The following LRP6 variants were observed in gnomAD, a reference collection of about 807,000 sequenced individuals.
The protein encoded by LRP6 is low-density lipoprotein receptor-related protein 6.
Under a neutral mutation model 184.1 loss-of-function variants are expected in LRP6, and 43 were observed. The observed-to-expected ratio is 0.23, with a 90% confidence interval of 0.18 to 0.30. The LOEUF is 0.30. LRP6 is among the 10% of genes least tolerant of loss of function. LRP6 has a pLI of 1.00. For missense variants in LRP6, 1,571 were observed against 2,005.3 expected (o/e 0.78, Z 4.14); for synonymous variants, 719 against 684.9 (o/e 1.05, Z -0.78).
chr12:12,183,968 A>G lies in LRP6; in HGVS notation c.976+12T>C, dbSNP rs751210383. ...GTTATAAAATTTTTCATTTTGGATA[A>G]TATCTTCTTACCATCTTTGCAGGTT... On this transcript the variant is annotated intron_variant, in intron 5 of 22. Coordinates refer to ENST00000261349, the MANE Select transcript of LRP6 (RefSeq NM_002336.3). 6.2e-7 allele frequency: 1 copy of G among 1,611,924 alleles called. No homozygotes were observed. Among genetic ancestry groups the G allele is most frequent in the South Asian group, 1.1e-5 (1 of 90,992 alleles).
intron 7 of LRP6, among the ~76,000 whole-genome samples, chr12:12,171,988 T>C (rs1474381059): frequency 6.6e-6 from 1 of 152,246 alleles, no homozygotes; most frequent in Non-Finnish European, 1.5e-5. Flanking sequence ...TGGCAAAAGC[T>C]TGTTTGTATA....
chr12:12,255,462 G>A (rs1171934035), intron 1 of LRP6, among the ~76,000 whole-genome samples: 1 of 148,740 alleles, frequency 6.7e-6, no homozygotes, highest in Non-Finnish European at 1.5e-5. Context: ...TTTGAAGTGT[G>A]TTGCAGATCC....
chr12:12,262,000 T>C (rs1456558715), intron 1 of LRP6, among the ~76,000 whole-genome samples: 1 of 152,100 alleles, frequency 6.6e-6, no homozygotes, highest in Non-Finnish European at 1.5e-5. Context: ...CCCAACACTT[T>C]GGGAGGCAGA....
At chr12:12,192,063 A>G (rs1198092845) in intron 3 of LRP6, among the ~76,000 whole-genome samples, 1 of 152,018 alleles carries the variant, frequency 6.6e-6, no homozygotes, top group Admixed American at 6.6e-5. Context: ...AACCTTTTTA[A>G]CAGACATAAG....
chr12:12,205,325 CAAACAAAAAAAAAAAAAA>C lies in LRP6; in HGVS notation c.450-1943_450-1926del, dbSNP rs1442205916. 2.3e-4 allele frequency among the ~76,000 whole-genome samples: 6 copies of C among 26,244 alleles called. 1 individual carries two copies. The highest frequency in any genetic ancestry group is 3.8e-4 in the African/African-American group (4 of 10,480). 17.2% of individuals were successfully genotyped at this position (26,244 alleles called of 152,430 possible). A position where few individuals can be genotyped will look rare whatever the true frequency, so the allele number is the denominator to read the frequency against. Reference sequence around the variant, plus strand: ...CAACAGAATAAGACTCTGTCTCAAACAAACAAAAAAAAAAAAAAAAAAAAAAAAAAAGAGGTAATGAGG... The same window carrying C: ...CAACAGAATAAGACTCTGTCTCAAACAAAAAAAAAAAAAGAGGTAATGAGG... On this transcript the variant is annotated intron_variant, in intron 2 of 22. Coordinates refer to ENST00000261349, the MANE Select transcript of LRP6 (RefSeq NM_002336.3).
chr12:12,133,853 G>GTT lies in LRP6; in HGVS notation c.3733+1321_3733+1322insAA, dbSNP rs1565540058. On this transcript the variant is annotated intron_variant, in intron 17 of 22. Coordinates refer to ENST00000261349, the MANE Select transcript of LRP6 (RefSeq NM_002336.3). ...AAACACATGCTATTTTTTGGGGGGG[G>GTT]GGGGGGGGGAGGGTAAAGTAACCAT... Among the ~76,000 whole-genome samples, 43 of 104,316 alleles carry GTT rather than the reference G, an allele frequency of 4.1e-4. 5 individuals are homozygous for GTT. The highest frequency in any genetic ancestry group is 4.3e-4 in the Non-Finnish European group (20 of 46,192). 68.4% of individuals were successfully genotyped at this position (104,316 alleles called of 152,430 possible).
chr12:12,244,471 A>G lies in LRP6; in HGVS notation c.240T>C (p.Phe80=). The change falls in exon 2 of 23, where the codon TTT becomes TTC. Residue 80 remains phenylalanine, a synonymous_variant. Coordinates refer to ENST00000261349, the MANE Select transcript of LRP6 (RefSeq NM_002336.3). ...CATTCTGCACACTCTCAGTTTTGTT[A>G]AATTCTGTTCGTTTAATGGCTTCTT... ...VSEEAIKRTE[F]NKTESVQNVV... 1 of 1,614,228 alleles carries G rather than the reference A, an allele frequency of 6.2e-7. No homozygotes were observed. Among genetic ancestry groups the G allele is most frequent in the Non-Finnish European group, 8.5e-7 (1 of 1,180,034 alleles).
chr12:12,148,910 C>T, intron 14 of LRP6, 32 bp downstream of exon 14: 1 of 1,519,730 alleles, frequency 6.6e-7, no homozygotes, highest in Non-Finnish European at 9.1e-7. Flanking sequence ...TCTCAGAAGC[C>T]ACAGTATCTG....
At chr12:12,221,747 G>A (rs1018895966) in intron 2 of LRP6, among the ~76,000 whole-genome samples, 4 of 152,170 alleles carry the variant, frequency 2.6e-5, no homozygotes, top group Non-Finnish European at 5.9e-5. Context: ...CACAGCTGGT[G>A]TTAATGTATT....
At chr12:12,174,919 T>C (rs533710423) in intron 7 of LRP6, among the ~76,000 whole-genome samples, 1 of 152,366 alleles carries the variant, frequency 6.6e-6, no homozygotes, top group African/African-American at 2.4e-5. Flanking sequence ...AAACTAGCTA[T>C]GGACATTGTA....
intron 2 of LRP6, among the ~76,000 whole-genome samples, chr12:12,215,448 G>C (rs925623652): frequency 1.3e-5 from 2 of 151,716 alleles, no homozygotes; most frequent in African/African-American, 2.4e-5. Flanking sequence ...ATTTTGAGAC[G>C]GAGTTTCACT....
At chr12:12,203,593 C>T (rs1298217664) in intron 2 of LRP6, among the ~76,000 whole-genome samples, 193 bp from the exon 3 acceptor site, 2 of 152,118 alleles carry the variant, frequency 1.3e-5, no homozygotes, top group Non-Finnish European at 2.9e-5. Context: ...GGTAAAAACC[C>T]ATCTCCACTA....
intron 2 of LRP6, among the ~76,000 whole-genome samples, chr12:12,207,589 T>C (rs1331983436): frequency 1.3e-5 from 2 of 152,100 alleles, no homozygotes; most frequent in Non-Finnish European, 2.9e-5. Context: ...ATTATCTAAC[T>C]GACTCTGGTG....
chr12:12,148,386 GAAGT>G (rs1950038787), intron 14 of LRP6, among the ~76,000 whole-genome samples: 1 of 151,826 alleles, frequency 6.6e-6, no homozygotes, highest in Non-Finnish European at 1.5e-5. Flanking sequence ...CCTCTCTTTT[GAAGT>G]AAGCTACTTT....
intron 15 of LRP6, 34 bp from the exon 16 acceptor site, chr12:12,138,568 C>G (rs538136558): frequency 1.3e-6 from 2 of 1,554,384 alleles, no homozygotes; most frequent in African/African-American, 2.7e-5. Context: ...AGAAATGACT[C>G]ATGTGGGTCA....
intron 3 of LRP6, among the ~76,000 whole-genome samples, chr12:12,196,686 T>C (rs556092271): frequency 2.6e-5 from 4 of 152,280 alleles, no homozygotes; most frequent in African/African-American, 9.6e-5. Context: ...CATTTATATG[T>C]CCAGATCTGC....
At chr12:12,140,817 T>C (rs202208498) in intron 15 of LRP6, among the ~76,000 whole-genome samples, 1 of 152,228 alleles carries the variant, frequency 6.6e-6, no homozygotes, top group East Asian at 1.9e-4. Flanking sequence ...GTGGCCAGGC[T>C]GGCCTTGAAC....
At chr12:12,187,853 T>G (rs1315073806) in intron 3 of LRP6, among the ~76,000 whole-genome samples, 1 of 152,142 alleles carries the variant, frequency 6.6e-6, no homozygotes, top group Non-Finnish European at 1.5e-5. Context: ...AAAGGAAAAG[T>G]AGACAGCCTA....
At chr12:12,206,447 G>A (rs1864058964) in intron 2 of LRP6, among the ~76,000 whole-genome samples, 1 of 151,650 alleles carries the variant, frequency 6.6e-6, no homozygotes, top group Admixed American at 6.6e-5. Flanking sequence ...GGAGGCTGAG[G>A]CAGGAGAATG....
Sources: allele counts gnomAD v4.1 joint callset (sites outside exome capture counted in the v4.1 genomes callset), GRCh38; gene constraint gnomAD v4.1.1; transcripts MANE v1.5; gene names NCBI Gene and HGNC (gene_info 2026-07-23, HGNC 2026-07-21).